Variants in SREK1IP1 observed in about 807,000 individuals in gnomAD.
SREK1IP1 encodes SREK1 interacting protein 1, also known as protein SREK1IP1.
A neutral mutation model predicts 22.8 loss-of-function variants in SREK1IP1; 12 were observed. The ratio of observed to expected loss-of-function variants is 0.53; its 90% CI spans 0.34 to 0.85. SREK1IP1 has a LOEUF of 0.85. SREK1IP1 is among the 40% of genes least tolerant of loss of function. The probability of loss-of-function intolerance (pLI) is 0.02; values close to 1 mark genes in which losing one functional copy is unlikely to be tolerated. For missense variants in SREK1IP1, 147 were observed against 171.8 expected (o/e 0.86, Z 0.81); for synonymous variants, 53 against 52.7 (o/e 1.01, Z -0.02).
intron 3 of SREK1IP1, among the ~76,000 whole-genome samples, chr5:64,732,280 T>C (rs7724399): frequency 0.022 from 3,386 of 152,204 alleles, 118 homozygotes; most frequent in African/African-American, 0.073. Context: ...CATGAAATAC[T>C]TGGAAATAAC....
chr5:64,744,855 G>A (rs1742606729), intron 2 of SREK1IP1, among the ~76,000 whole-genome samples: 1 of 152,186 alleles, frequency 6.6e-6, no homozygotes, highest in African/African-American at 2.4e-5. Flanking sequence ...CAAGGTATAG[G>A]CTGAGGTTGC....
In SREK1IP1 at chr5:64,763,365, G is replaced by A. The variant is rs1198481859; in HGVS notation, c.13+5140C>T. ...CATCCTGGCTAACATGGTGAAACCT[G>A]CCTCTACTAAAAATACAAAAAATTA... is the stretch of plus-strand genomic sequence containing the variant. On this transcript the variant is annotated intron_variant, in intron 1 of 4. Transcript: ENST00000513458. 2.6e-5 allele frequency among the ~76,000 whole-genome samples: 4 copies of A among 151,958 alleles called. No homozygotes were observed. In the East Asian group the frequency reaches 7.8e-4, roughly 29 times the overall value.
intron 1 of SREK1IP1, among the ~76,000 whole-genome samples, chr5:64,763,542 C>T (rs868427062): frequency 1.3e-5 from 2 of 150,814 alleles, no homozygotes; most frequent in Middle Eastern, 3.2e-3. Flanking sequence ...GTCACCCCCT[C>T]CCCCAAAAAA....
intron 2 of SREK1IP1, among the ~76,000 whole-genome samples, chr5:64,752,897 T>G (rs1374436652): frequency 2.6e-5 from 4 of 152,184 alleles, no homozygotes; most frequent in Admixed American, 1.3e-4. Flanking sequence ...AAGGGAAATA[T>G]GACTAAATTT....
chr5:64,752,144 GTGTTTTTTTTTTTT>G (rs1231746688), intron 2 of SREK1IP1, among the ~76,000 whole-genome samples: 1 of 85,476 alleles, frequency 1.2e-5, no homozygotes, highest in Non-Finnish European at 2.2e-5. Flanking sequence ...TTTTTTTTGT[GTGTTTTTTTTTTTT>G]TTTTTTTTTT....
chr5:64,737,014 TG>T (rs1421275088), intron 3 of SREK1IP1, among the ~76,000 whole-genome samples: 1 of 151,718 alleles, frequency 6.6e-6, no homozygotes, highest in Non-Finnish European at 1.5e-5. Flanking sequence ...ACAGTAGCTA[TG>T]GGAATAATTT....
At chr5:64,756,526 T>C (rs534308046) in intron 1 of SREK1IP1, among the ~76,000 whole-genome samples, 2 of 152,378 alleles carry the variant, frequency 1.3e-5, no homozygotes, top group Non-Finnish European at 2.9e-5. Context: ...TAATATTCCA[T>C]TGTATGCACA....
chr5:64,743,532 T>C (rs940029768), intron 2 of SREK1IP1, among the ~76,000 whole-genome samples: 5 of 150,030 alleles, frequency 3.3e-5, no homozygotes, highest in African/African-American at 1.3e-4. Flanking sequence ...TCCATCTTAA[T>C]TTTTTTGTCT....
At chr5:64,756,454 T>G (rs1384614131) in intron 1 of SREK1IP1, among the ~76,000 whole-genome samples, 1 of 152,208 alleles carries the variant, frequency 6.6e-6, no homozygotes, top group Non-Finnish European at 1.5e-5. Flanking sequence ...CTTAGCAGAA[T>G]GTTTTCAAAG....
At chr5:64,744,424 T>C (rs558744819) in intron 2 of SREK1IP1, among the ~76,000 whole-genome samples, 2 of 152,318 alleles carry the variant, frequency 1.3e-5, no homozygotes, top group Non-Finnish European at 2.9e-5. Flanking sequence ...TCTCTTCTTC[T>C]GTCTCATGAC....
chr5:64,754,496 A>C lies in SREK1IP1; in HGVS notation c.14-134T>G. On this transcript the variant is annotated intron_variant, in intron 1 of 4. Transcript: ENST00000513458. The stretch of plus-strand genomic sequence containing the variant: ...TTTTTTGTTGTTGAGACAAGGTGTC[A>C]CTCTGTCACCAAGGCTAGAGTACAC... 4 of 773,606 alleles carry C rather than the reference A, an allele frequency of 5.2e-6. No homozygotes were observed. The South Asian group carries it at 5.3e-5, about 10-fold the overall frequency. The allele number at this position is 773,606 out of a possible 1,614,324, so 47.9% of individuals were successfully genotyped here.
At chr5:64,742,835 T>C (rs1193375656) in intron 2 of SREK1IP1, among the ~76,000 whole-genome samples, 1 of 152,220 alleles carries the variant, frequency 6.6e-6, no homozygotes, top group Non-Finnish European at 1.5e-5. Context: ...GTATCTAAAA[T>C]ATGTATTGCA....
At chr5:64,729,618 A>G (rs1742342573) in intron 3 of SREK1IP1, among the ~76,000 whole-genome samples, 1 of 152,206 alleles carries the variant, frequency 6.6e-6, no homozygotes, top group Non-Finnish European at 1.5e-5. Context: ...GCAGACTTAC[A>G]AGGTAAATGA....
At chr5:64,737,403 A>G (rs1742481793) in intron 3 of SREK1IP1, among the ~76,000 whole-genome samples, 1 of 151,728 alleles carries the variant, frequency 6.6e-6, no homozygotes, top group African/African-American at 2.4e-5. Flanking sequence ...ATTACAACAC[A>G]CCACAATTTA....
intron 1 of SREK1IP1, among the ~76,000 whole-genome samples, chr5:64,756,972 C>T (rs1001251860): frequency 2.0e-5 from 3 of 152,080 alleles, no homozygotes; most frequent in Non-Finnish European, 4.4e-5. Flanking sequence ...ATAATCCTAA[C>T]TAAATAATAT....
At position 64,741,305 on chromosome 5, in the gene SREK1IP1, T is replaced by C. The variant is rs1742548168; in HGVS notation, c.62-105A>G. The C allele has an allele frequency of 3.8e-6, 4 of 1,060,536 alleles. 1 individual carries two copies. The East Asian group carries it at 1.0e-4, about 28-fold the overall frequency. The allele number at this position is 1,060,536 out of a possible 1,614,324, so 65.7% of individuals were successfully genotyped here. A position where few individuals can be genotyped will look rare whatever the true frequency, so the allele number is the denominator to read the frequency against. ...GGTAACCAGTAAGTTACAATTTCAA[T>C]AATATAATGTAGAAAGCTTTAACTT... On this transcript the variant is annotated intron_variant, in intron 2 of 4. Coordinates refer to ENST00000513458, the MANE Select transcript of SREK1IP1 (RefSeq NM_173829.4).
At chr5:64,743,644 G>A (rs1025487949) in intron 2 of SREK1IP1, among the ~76,000 whole-genome samples, 24 of 151,786 alleles carry the variant, frequency 1.6e-4, no homozygotes, top group Admixed American at 6.6e-5. Flanking sequence ...CATCTCTGTG[G>A]GCATGCACCA....
At chr5:64,749,188 G>C (rs1207416789) in intron 2 of SREK1IP1, among the ~76,000 whole-genome samples, 1 of 151,274 alleles carries the variant, frequency 6.6e-6, no homozygotes, top group Non-Finnish European at 1.5e-5. Context: ...AAACCCTCTT[G>C]TTTTATAAAT....
In SREK1IP1 at chr5:64,736,915, CTTT is replaced by C. The variant is rs563372606; in HGVS notation, c.205+4139_205+4141del. ...TTTCCTTTTAGTAGTTGTCTCTCTT[CTTT>C]TTTTTTTTTTTTTGGAGTTATAGTA... On this transcript the variant is annotated intron_variant, in intron 3 of 4. Coordinates refer to ENST00000513458, the MANE Select transcript of SREK1IP1 (RefSeq NM_173829.4). 2.4e-4 allele frequency among the ~76,000 whole-genome samples: 32 copies of C among 131,290 alleles called. 1 individual carries two copies. The highest frequency in any genetic ancestry group is 7.7e-4 in the Admixed American group (9 of 11,746). 86.1% of individuals were successfully genotyped at this position (131,290 alleles called of 152,430 possible).
Sources: gnomAD v4.1 joint callset for allele counts (sites outside exome capture counted in the v4.1 genomes callset) on GRCh38, gnomAD v4.1.1 for gene constraint, MANE v1.5 for transcripts, NCBI Gene and HGNC (gene_info 2026-07-23, HGNC 2026-07-21) for gene names.